Variants in LRRC36 observed in about 807,000 individuals in gnomAD.
LRRC36 encodes leucine-rich repeat-containing protein 36.
In LRRC36, 62 loss-of-function variants were observed where a neutral mutation model predicts 81.1. The ratio of observed to expected loss-of-function variants is 0.76; its 90% confidence interval spans 0.62 to 0.94. The LOEUF (loss-of-function observed/expected upper bound fraction) is 0.94, where lower values mean the gene tolerates loss of function less well. LRRC36 is among the 40% of genes least tolerant of loss of function. The pLI, the probability that LRRC36 is intolerant of heterozygous loss-of-function variation, is 0.00. For missense variants in LRRC36, 761 were observed against 881.7 expected, an observed-to-expected ratio of 0.86 and a Z score of 1.73; for synonymous variants, 334 against 348.6, an observed-to-expected ratio of 0.96 and a Z score of 0.47.
chr16:67,330,707 CA>C (rs747586772), intron 1 of LRRC36, among the ~76,000 whole-genome samples: 1 of 151,648 alleles, frequency 6.6e-6, no homozygotes, highest in African/African-American at 2.4e-5. Context: ...ACTAAAAATA[CA>C]AAAAAAATTA....
In LRRC36 at chr16:67,375,362, A is replaced by G. The variant is rs779024887; in HGVS notation, c.1610A>G (p.Asp537Gly). 4 of 1,608,580 alleles carry G rather than the reference A, an allele frequency of 2.5e-6. No homozygotes were observed. Among genetic ancestry groups the G allele is most frequent in the Non-Finnish European group, 2.5e-6 (3 of 1,178,592 alleles). ...TVLRQLLELVDKHWNGSGSLL... is the reference protein window; with the variant it reads ...TVLRQLLELVGKHWNGSGSLL... ...CTCAGACAGCTCCTGGAGCTTGTGG[A>G]TAAGCACTGGAATGGCTCCGGCTCC... is the stretch of plus-strand genomic sequence containing the variant. Residue 537 changes from aspartate (D) to glycine (G), a missense_variant, in exon 10 of 14, where the codon GAT (aspartate) becomes GGT (glycine). By Grantham distance (94) the Asp-to-Gly change is moderately conservative. Around this residue, in one of 3 missense-constraint regions of LRRC36, gnomAD observed 359 missense variants for 388.4 expected, o/e 0.92. Transcript: ENST00000329956.
At chr16:67,355,555 T>C (rs972347213) in intron 5 of LRRC36, among the ~76,000 whole-genome samples, 1 of 151,734 alleles carries the variant, frequency 6.6e-6, no homozygotes, top group African/African-American at 2.4e-5. Flanking sequence ...TTTGTATTTT[T>C]AGTAGAGACG....
Position 67,385,107 on chromosome 16 carries a change from C to T in LRRC36, c.*18C>T, listed in dbSNP as rs1358657630. 1 of 1,592,016 alleles carries T rather than the reference C, an allele frequency of 6.3e-7. No homozygotes were observed. Among genetic ancestry groups the T allele is most frequent in the Admixed American group, 1.7e-5 (1 of 59,880 alleles). On this transcript the variant is annotated 3_prime_UTR_variant, in exon 14 of 14. Coordinates refer to ENST00000329956, the MANE Select transcript of LRRC36 (RefSeq NM_018296.6). ...GCTTATAGAGCTAGCATGGAACTCA[C>T]ACCACAGCTTCCCTGGTCCACAGAG...
intron 8 of LRRC36, among the ~76,000 whole-genome samples, chr16:67,367,824 G>A (rs984362776): frequency 9.9e-5 from 15 of 152,114 alleles, no homozygotes; most frequent in Non-Finnish European, 1.9e-4. Flanking sequence ...AGGCTGAGCC[G>A]GGTGGATCAC....
chr16:67,358,590 C>T (rs980946910), intron 5 of LRRC36, among the ~76,000 whole-genome samples: 7 of 150,960 alleles, frequency 4.6e-5, no homozygotes, highest in Non-Finnish European at 5.9e-5. Flanking sequence ...TGGCCTGAAG[C>T]GACCCTCACA....
chr16:67,333,862 T>C (rs1465394571), intron 1 of LRRC36, among the ~76,000 whole-genome samples: 5 of 152,100 alleles, frequency 3.3e-5, no homozygotes, highest in African/African-American at 1.2e-4. Flanking sequence ...CCCACCCCGT[T>C]TCCCTTAATT....
chr16:67,369,188 T>C (rs2039531112), intron 8 of LRRC36, among the ~76,000 whole-genome samples: 1 of 151,086 alleles, frequency 6.6e-6, no homozygotes, highest in African/African-American at 2.4e-5. Flanking sequence ...ACCAAAAGAG[T>C]GAATATAGAT....
At chr16:67,358,739 G>A (rs571694784) in intron 5 of LRRC36, among the ~76,000 whole-genome samples, 17 of 152,170 alleles carry the variant, frequency 1.1e-4, no homozygotes, top group Middle Eastern at 6.8e-3. Flanking sequence ...AATTTGAATA[G>A]ACATTTCTCC....
chr16:67,337,858 G>T (rs141755090), intron 1 of LRRC36, among the ~76,000 whole-genome samples: 5,167 of 152,132 alleles, frequency 0.034, 138 homozygotes, highest in South Asian at 0.069. Context: ...CGCCGAGGCA[G>T]GCGGGTCACC....
At chr16:67,353,654 T>C (rs906238752) in intron 5 of LRRC36, among the ~76,000 whole-genome samples, 2 of 152,206 alleles carry the variant, frequency 1.3e-5, no homozygotes, top group African/African-American at 2.4e-5. Context: ...CCCAAGGTGC[T>C]GGGATTATAG....
At chr16:67,332,800 A>C (rs1321803825) in intron 1 of LRRC36, among the ~76,000 whole-genome samples, 2 of 151,944 alleles carry the variant, frequency 1.3e-5, no homozygotes, top group African/African-American at 4.8e-5. Context: ...ATGTTAACAG[A>C]CTCTCAGGGT....
At chr16:67,363,450 A>G in intron 5 of LRRC36, 140 bp from the exon 6 acceptor site, 1 of 707,212 alleles carries the variant, frequency 1.4e-6, no homozygotes, top group Non-Finnish European at 2.3e-6. Context: ...GATTTGCTCA[A>G]ATTCATGTGG....
chr16:67,378,715 A>G lies in LRRC36; in HGVS notation c.1930+3A>G, dbSNP rs1477365836. ...TGGGCAACAGTCACATACTTATGGT[A>G]AGTTGAGGAAAGCCATGATATATGA... On this transcript the variant is annotated splice_donor_region_variant and intron_variant, in intron 12 of 13. Transcript: ENST00000329956. The G allele has an allele frequency of 1.2e-6, 2 of 1,613,522 alleles. No homozygotes were observed. The highest frequency in any genetic ancestry group is 1.1e-5 in the South Asian group (1 of 91,042).
Position 67,326,887 on chromosome 16 carries a change from G to T in LRRC36, c.25G>T (p.Glu9Ter). 6.8e-7 allele frequency: 1 copy of T among 1,464,582 alleles called. No homozygotes were observed. Among genetic ancestry groups the T allele is most frequent in the Non-Finnish European group, 8.9e-7 (1 of 1,119,676 alleles). 90.7% of individuals were successfully genotyped at this position (1,464,582 alleles called of 1,614,324 possible). A position where few individuals can be genotyped will look rare whatever the true frequency, so the allele number is the denominator to read the frequency against. Residue 9 changes from glutamate (E) to a stop codon, truncating the protein, a stop_gained, in exon 1 of 14, where the codon GAG becomes TAG. Transcript: ENST00000329956. LOFTEE classifies it high-confidence loss of function. MAEQWELD[E>*]EGIRRLGALT... ...GATGGCGGAGCAATGGGAGCTGGACGAGGAAGGCATTCGCCGCCTGGGGGC... is the reference window on the plus strand; with the variant it reads ...GATGGCGGAGCAATGGGAGCTGGACTAGGAAGGCATTCGCCGCCTGGGGGC...
At chr16:67,327,789 A>C (rs1402256689) in intron 1 of LRRC36, among the ~76,000 whole-genome samples, 1 of 152,170 alleles carries the variant, frequency 6.6e-6, no homozygotes, top group African/African-American at 2.4e-5. Flanking sequence ...TTGGAATTTG[A>C]GAAGGGGTAG....
At chr16:67,330,036 T>C (rs139114795) in intron 1 of LRRC36, among the ~76,000 whole-genome samples, 4,396 of 152,300 alleles carry the variant, frequency 0.029, 79 homozygotes, top group Middle Eastern at 0.12. Context: ...TTTTCAATTG[T>C]TTTTGAAGAA....
chr16:67,384,946 C>T lies in LRRC36; in HGVS notation c.2122C>T (p.Leu708=), dbSNP rs2040241405. 6.2e-7 allele frequency: 1 copy of T among 1,614,116 alleles called. No individual in the cohort carries two copies. The highest frequency in any genetic ancestry group is 1.7e-5 in the Admixed American group (1 of 60,008). ...EPKGYSGKAL[L]PPEKGHHLGR... ...AAAAGGTTATTCCGGGAAAGCGCTC[C>T]TGCCTCCTGAGAAGGGTCATCATCT... Residue 708 remains leucine (L), a synonymous_variant, in exon 14 of 14, where the codon CTG becomes TTG. Coordinates refer to ENST00000329956, the MANE Select transcript of LRRC36 (RefSeq NM_018296.6).
At chr16:67,345,783 CT>C (rs964643557) in intron 2 of LRRC36, among the ~76,000 whole-genome samples, 279 of 145,182 alleles carry the variant, frequency 1.9e-3, no homozygotes, top group Non-Finnish European at 2.1e-3. Context: ...CACACACACA[CT>C]TTTTTTTTTT....
At chr16:67,351,778 A>G (rs1457632489) in intron 5 of LRRC36, among the ~76,000 whole-genome samples, 2 of 152,224 alleles carry the variant, frequency 1.3e-5, no homozygotes, top group Non-Finnish European at 2.9e-5. Context: ...CCCAGTACAT[A>G]TAAATATTGG....
Sources: gnomAD v4.1 joint callset for allele counts (sites outside exome capture counted in the v4.1 genomes callset) on GRCh38, gnomAD v4.1.1 for gene constraint, gnomAD v4.1.1 regional missense constraint, MANE v1.5 for transcripts, NCBI Gene and HGNC (gene_info 2026-07-23, HGNC 2026-07-21) for gene names.